SPAG16: variants seen among roughly 807,000 people sequenced by gnomAD.
SPAG16 encodes sperm-associated antigen 16 protein.
In SPAG16, 86 loss-of-function variants were observed where a neutral mutation model predicts 80.4. The observed-to-expected ratio is 1.07, with a 90% CI of 0.90 to 1.28. SPAG16 has a LOEUF of 1.28. SPAG16 is among the 50% of genes most tolerant of loss of function. The pLI, the probability that SPAG16 is intolerant of heterozygous loss-of-function variation, is 0.00. For synonymous variants in SPAG16, 294 were observed against 265.9 expected, an observed-to-expected ratio of 1.11 and a Z score of -1.03; for missense variants, 870 against 765.3, an observed-to-expected ratio of 1.14 and a Z score of -1.61.
chr2:213,929,496 C>T (rs1040329668), intron 11 of SPAG16, among the ~76,000 whole-genome samples: 1 of 152,164 alleles, frequency 6.6e-6, no homozygotes, highest in Non-Finnish European at 1.5e-5. Context: ...TCACTTCTTC[C>T]TTCATCCAAA....
intron 15 of SPAG16, among the ~76,000 whole-genome samples, chr2:214,304,384 C>T (rs748880948): frequency 6.6e-6 from 1 of 152,176 alleles, no homozygotes; most frequent in Admixed American, 6.5e-5. Context: ...CACTTAAAGG[C>T]GTTCTTAAAC....
At chr2:213,908,748 CT>C (rs55710221) in intron 11 of SPAG16, among the ~76,000 whole-genome samples, 5 of 144,238 alleles carry the variant, frequency 3.5e-5, no homozygotes, top group African/African-American at 1.0e-4. Flanking sequence ...CAAGATCATT[CT>C]TTTTTTTTGT....
At chr2:214,209,692 G>A (rs2058238419) in intron 15 of SPAG16, among the ~76,000 whole-genome samples, 2 of 152,096 alleles carry the variant, frequency 1.3e-5, no homozygotes, top group Admixed American at 1.3e-4. Flanking sequence ...CAATTCATCA[G>A]TTACTGGTAC....
chr2:214,171,681 G>C (rs1210984488), intron 15 of SPAG16, among the ~76,000 whole-genome samples: 3 of 151,842 alleles, frequency 2.0e-5, no homozygotes, highest in Non-Finnish European at 4.4e-5. Flanking sequence ...CTCCTATGTA[G>C]TAAGACAAAT....
chr2:213,423,897 A>T (rs975824046), intron 9 of SPAG16, among the ~76,000 whole-genome samples: 1 of 152,180 alleles, frequency 6.6e-6, no homozygotes, highest in African/African-American at 2.4e-5. Flanking sequence ...TATAATGAGG[A>T]TCCTGGGTGA....
At chr2:214,078,870 G>T (rs541381565) in intron 13 of SPAG16, among the ~76,000 whole-genome samples, 2 of 152,004 alleles carry the variant, frequency 1.3e-5, no homozygotes, top group African/African-American at 4.8e-5. Flanking sequence ...GAATATTTTG[G>T]ATTTCCAGAA....
chr2:213,910,780 G>A (rs1408392244), intron 11 of SPAG16, among the ~76,000 whole-genome samples: 1 of 151,254 alleles, frequency 6.6e-6, no homozygotes, highest in Non-Finnish European at 1.5e-5. Context: ...GAGCCACCAC[G>A]CCCGGCCAAG....
chr2:214,314,625 A>G lies in SPAG16; in HGVS notation c.1721-95515A>G, dbSNP rs901513744. ...GAATGACTGCTTTTAGGATAAATGG[A>G]GGTAAGAAAAGAGGATATTCCAATA... On this transcript the variant is annotated intron_variant, in intron 15 of 15. Transcript: ENST00000331683. Among the ~76,000 whole-genome samples the G allele has an allele frequency of 3.9e-5, 6 of 152,272 alleles. No individual in the cohort carries two copies. The East Asian group carries it at 1.2e-3, about 29-fold the overall frequency.
At chr2:214,157,009 C>T (rs559778872) in intron 15 of SPAG16, among the ~76,000 whole-genome samples, 2 of 152,180 alleles carry the variant, frequency 1.3e-5, no homozygotes, top group South Asian at 4.2e-4. Context: ...TTTACAATCC[C>T]ATTATTTCAT....
At chr2:213,431,179 A>C (rs1177922445) in intron 9 of SPAG16, among the ~76,000 whole-genome samples, 1 of 152,104 alleles carries the variant, frequency 6.6e-6, no homozygotes, top group Admixed American at 6.6e-5. Flanking sequence ...GAAAGAAATC[A>C]AATGGTAGCA....
chr2:213,736,151 CA>C (rs1380233130), intron 10 of SPAG16, among the ~76,000 whole-genome samples: 1 of 152,118 alleles, frequency 6.6e-6, no homozygotes, highest in Non-Finnish European at 1.5e-5. Context: ...AAGGCACTGT[CA>C]TTCTGTTTTC....
chr2:213,929,899 A>T, intron 11 of SPAG16, 61 bp from the exon 12 acceptor site: 1 of 1,429,096 alleles, frequency 7.0e-7, no homozygotes, highest in Non-Finnish European at 9.7e-7. Flanking sequence ...CATAGAATGC[A>T]GTATTCATAA....
chr2:213,923,815 G>A (rs1350583012), intron 11 of SPAG16: 1 of 152,504 alleles, frequency 6.6e-6, no homozygotes. Flanking sequence ...GCACCTTCCA[G>A]CTGAGCTCAC....
rs184930433 is a variant in SPAG16 at position 214,253,872 on chromosome 2, G to A, written c.1720+104606G>A. Among the ~76,000 whole-genome samples, 6 of 151,558 alleles carry A rather than the reference G, an allele frequency of 4.0e-5. No individual in the cohort carries two copies. The East Asian group carries it at 1.2e-3, about 30-fold the overall frequency. On this transcript the variant is annotated intron_variant, in intron 15 of 15. Transcript: ENST00000331683. ...AATGGAGATTGATGGGGATAGCATT[G>A]AATCTATAAATTACTTTGGGCAATA...
At chr2:213,654,832 G>GA (rs1388639075) in intron 10 of SPAG16, among the ~76,000 whole-genome samples, 4 of 151,958 alleles carry the variant, frequency 2.6e-5, no homozygotes, top group Admixed American at 2.6e-4. Context: ...TGTCAATGGA[G>GA]AAAAAAGGAA....
intron 11 of SPAG16, among the ~76,000 whole-genome samples, chr2:213,890,087 A>G (rs1386906019): frequency 2.0e-5 from 3 of 152,066 alleles, no homozygotes; most frequent in Non-Finnish European, 2.9e-5. Flanking sequence ...TTTAATTTCA[A>G]TAAAGCAACA....
intron 10 of SPAG16, among the ~76,000 whole-genome samples, chr2:213,578,327 T>A (rs1246738224): frequency 1.3e-5 from 2 of 152,122 alleles, no homozygotes; most frequent in East Asian, 3.8e-4. Flanking sequence ...AACAATAAGT[T>A]GTTTAAAGTG....
intron 10 of SPAG16, among the ~76,000 whole-genome samples, chr2:213,837,218 A>T (rs999913799): frequency 6.6e-6 from 1 of 152,220 alleles, no homozygotes; most frequent in Non-Finnish European, 1.5e-5. Flanking sequence ...GAGGATCACC[A>T]TGCCAGATAA....
At chr2:213,544,232 C>T (rs759665562) in intron 10 of SPAG16, among the ~76,000 whole-genome samples, 10 of 151,922 alleles carry the variant, frequency 6.6e-5, no homozygotes, top group Non-Finnish European at 1.2e-4. Flanking sequence ...TTTTAAGTAA[C>T]ATATATAATT....
Sources: gnomAD v4.1 joint callset for allele counts (sites outside exome capture counted in the v4.1 genomes callset) on GRCh38, gnomAD v4.1.1 for gene constraint, MANE v1.5 for transcripts, NCBI Gene and HGNC (gene_info 2026-07-23, HGNC 2026-07-21) for gene names.